Variants in SUPT20H observed in about 807,000 individuals in gnomAD.
SUPT20H encodes the protein transcription factor SPT20 homolog.
Under a neutral mutation model 122.8 loss-of-function variants are expected in SUPT20H, and 82 were observed. The ratio of observed to expected loss-of-function variants is 0.67; its 90% CI spans 0.56 to 0.80. SUPT20H has a LOEUF of 0.80. SUPT20H is among the 30% of genes least tolerant of loss of function. The probability of loss-of-function intolerance (pLI) is 0.00; values close to 1 mark genes in which losing one functional copy is unlikely to be tolerated. For synonymous variants in SUPT20H, 291 were observed against 313.0 expected (o/e 0.93, Z 0.74); for missense variants, 831 against 921.6 (o/e 0.90, Z 1.27).
intron 1 of SUPT20H, among the ~76,000 whole-genome samples, chr13:37,053,977 A>C (rs2068342399): frequency 6.6e-6 from 1 of 152,258 alleles, no homozygotes; most frequent in South Asian, 2.1e-4. Context: ...CCATCAGAGA[A>C]TACTATAAAC....
chr13:37,017,903 T>G (rs2060797000), intron 22 of SUPT20H, among the ~76,000 whole-genome samples: 2 of 152,164 alleles, frequency 1.3e-5, no homozygotes, highest in South Asian at 4.1e-4. Context: ...TCAAATCTAA[T>G]TTGAATTTAA....
intron 22 of SUPT20H, among the ~76,000 whole-genome samples, chr13:37,017,920 T>C (rs1015760552): frequency 1.3e-5 from 2 of 152,100 alleles, no homozygotes; most frequent in Non-Finnish European, 1.5e-5. Context: ...TTAATCCAAA[T>C]TAAAAAACAA....
At chr13:37,030,366 AT>A (rs1321713730) in intron 12 of SUPT20H, among the ~76,000 whole-genome samples, 4 of 152,282 alleles carry the variant, frequency 2.6e-5, no homozygotes, top group Middle Eastern at 6.8e-3. Flanking sequence ...TGTGAGTCAA[AT>A]GTTATTATCT....
At chr13:37,034,282 T>C (rs968033886) in intron 9 of SUPT20H, among the ~76,000 whole-genome samples, 29 of 152,086 alleles carry the variant, frequency 1.9e-4, no homozygotes, top group African/African-American at 7.0e-4. Context: ...TACCAGACAG[T>C]TAGCTAAGTG....
chr13:37,021,974 T>C, intron 20 of SUPT20H, 37 bp downstream of exon 20: 1 of 1,525,770 alleles, frequency 6.6e-7, no homozygotes, highest in South Asian at 1.3e-5. Context: ...GAAACTATCT[T>C]TATAAAAAAA....
chr13:37,028,510 A>G (rs1424583679), intron 13 of SUPT20H, among the ~76,000 whole-genome samples: 4 of 152,202 alleles, frequency 2.6e-5, no homozygotes, highest in African/African-American at 9.7e-5. Flanking sequence ...GGCACTCAGC[A>G]TGCATTTAGT....
chr13:37,050,846 T>G (rs962251107), intron 2 of SUPT20H, among the ~76,000 whole-genome samples: 3 of 152,174 alleles, frequency 2.0e-5, no homozygotes, highest in African/African-American at 7.2e-5. Flanking sequence ...GACAGATGTT[T>G]TCTGAAGTTT....
At chr13:37,051,609 C>A in intron 1 of SUPT20H, 26 bp from the exon 2 acceptor site, 5 of 722,804 alleles carry the variant, frequency 6.9e-6, no homozygotes, top group Admixed American at 2.6e-5. Flanking sequence ...AATAAAACCC[C>A]AATATTAACA....
intron 9 of SUPT20H, among the ~76,000 whole-genome samples, chr13:37,036,327 G>GC (rs2064384458): frequency 7.9e-6 from 1 of 126,278 alleles, no homozygotes; most frequent in East Asian, 3.8e-4. Flanking sequence ...TTAAACTGGA[G>GC]TTTTTTTTTT....
intron 10 of SUPT20H, among the ~76,000 whole-genome samples, chr13:37,033,225 G>A (rs1034567948): frequency 2.6e-5 from 4 of 151,866 alleles, no homozygotes; most frequent in African/African-American, 7.3e-5. Flanking sequence ...TCAGAGGCTG[G>A]TGCAGTTGGT....
Position 37,022,278 on chromosome 13 carries a change from G to A in SUPT20H, c.1592-198C>T. The A allele has an allele frequency of 1.3e-6, 2 of 1,500,098 alleles. No individual in the cohort carries two copies. The highest frequency in any genetic ancestry group is 8.9e-7 in the Non-Finnish European group (1 of 1,121,574). The allele number at this position is 1,500,098 out of a possible 1,614,324, so 92.9% of individuals were successfully genotyped here. On this transcript the variant is annotated intron_variant, in intron 19 of 25. Transcript: ENST00000350612. The surrounding 1 kb of genome is among the most constrained non-coding windows in gnomAD (Gnocchi z 4.5). ...ATCAGGAGGGTGTGGGGTCGATGAA[G>A]GGGTTGGTGTAGGAGTAGATGGCTT...
intron 16 of SUPT20H, chr13:37,025,694 T>C (rs1386837656): frequency 3.0e-6 from 1 of 338,212 alleles, no homozygotes; most frequent in Non-Finnish European, 5.4e-6. Context: ...ATACAGAAAT[T>C]ACAGGGATTA....
At chr13:37,028,808 T>C (rs1468674870) in intron 13 of SUPT20H, among the ~76,000 whole-genome samples, 2 of 151,798 alleles carry the variant, frequency 1.3e-5, no homozygotes, top group Non-Finnish European at 2.9e-5. Context: ...CTGATCCTCA[T>C]GCTGCCGTGC....
At chr13:37,050,152 A>G (rs9547720) in intron 2 of SUPT20H, among the ~76,000 whole-genome samples, 2,776 of 152,246 alleles carry the variant, frequency 0.018, 44 homozygotes, top group Non-Finnish European at 0.025. Context: ...TCTAAATATG[A>G]TAAGTGAACA....
At chr13:37,036,514 G>C (rs1260710056) in intron 9 of SUPT20H, among the ~76,000 whole-genome samples, 1 of 151,996 alleles carries the variant, frequency 6.6e-6, no homozygotes, top group Non-Finnish European at 1.5e-5. Context: ...TAGAGACGGG[G>C]TTTCACCATG....
intron 15 of SUPT20H, 79 bp from the exon 16 acceptor site, chr13:37,026,315 A>G: frequency 9.1e-7 from 1 of 1,096,100 alleles, no homozygotes. Context: ...TTACTTTTGA[A>G]TCTTCCATGT....
chr13:37,015,392 A>C, intron 23 of SUPT20H, among the ~76,000 whole-genome samples: 1 of 151,848 alleles, frequency 6.6e-6, no homozygotes, highest in Non-Finnish European at 1.5e-5. Context: ...CATGCATATG[A>C]AAAGATGCTC....
chr13:37,055,364 C>A (rs1207543144), intron 1 of SUPT20H, among the ~76,000 whole-genome samples: 2 of 152,060 alleles, frequency 1.3e-5, no homozygotes, highest in Non-Finnish European at 2.9e-5. Flanking sequence ...TGACTTCAAA[C>A]TATACTACAA....
chr13:37,045,413 T>C lies in SUPT20H; in HGVS notation c.166-40A>G, dbSNP rs752541281. 5 of 1,602,996 alleles carry C rather than the reference T, an allele frequency of 3.1e-6. No homozygotes were observed. The South Asian group carries it at 5.6e-5, about 18-fold the overall frequency. On this transcript the variant is annotated intron_variant, in intron 5 of 25. Transcript: ENST00000350612. ...GGCAGAGCTCATGAAAATAATCCAG[T>C]ATAACCTTAACAAATAATGCTATGA...
Sources: gnomAD v4.1 joint callset for allele counts (sites outside exome capture counted in the v4.1 genomes callset) on GRCh38, gnomAD v4.1.1 for gene constraint, Gnocchi (gnomAD v3.1) non-coding constraint, MANE v1.5 for transcripts, NCBI Gene and HGNC (gene_info 2026-07-23, HGNC 2026-07-21) for gene names.